The following BCLAF3 variants were observed in gnomAD, a reference collection of about 807,000 sequenced individuals.
BCLAF3 encodes transient octamer binding factor 1.
Under a neutral mutation model 51.2 loss-of-function variants are expected in BCLAF3, and 24 were observed. That is an observed-to-expected ratio of 0.47 (90% CI 0.34 to 0.66). The LOEUF (loss-of-function observed/expected upper bound fraction) is 0.66. Ranked by LOEUF, BCLAF3 falls within the 30% of genes least tolerant of loss-of-function variation. BCLAF3 has a pLI of 0.01. For missense variants in BCLAF3, 465 were observed against 525.1 expected (o/e 0.89, Z 1.12); for synonymous variants, 152 against 176.6 (o/e 0.86, Z 1.10).
At chrX:19,957,329 AAC>A (rs944060370) in intron 4 of BCLAF3, among the ~76,000 whole-genome samples, 3 of 112,199 alleles carry the variant, frequency 2.7e-5, no homozygotes, top group African/African-American at 9.7e-5. Context: ...GACCTCCACT[AAC>A]AAAGAATTAC....
At chrX:19,935,706 T>A (rs762406157) in intron 10 of BCLAF3, 103 bp downstream of exon 10, 62 of 635,832 alleles carry the variant, frequency 9.8e-5, no homozygotes, top group Non-Finnish European at 1.5e-4. Flanking sequence ...AGCTACCATT[T>A]GAAAGCATAT....
At chrX:19,922,792 T>C (rs1198051248) in intron 11 of BCLAF3, among the ~76,000 whole-genome samples, 1 of 109,937 alleles carries the variant, frequency 9.1e-6, no homozygotes, top group Admixed American at 9.8e-5. Context: ...ACCAGCTACT[T>C]GGGAGGCTGA....
At chrX:19,976,332 G>A (rs1285546032) in intron 1 of BCLAF3, among the ~76,000 whole-genome samples, 1 of 112,290 alleles carries the variant, frequency 8.9e-6, no homozygotes, top group Non-Finnish European at 1.9e-5. Flanking sequence ...ACACTCATGA[G>A]ATTTGCAAAA....
intron 7 of BCLAF3, among the ~76,000 whole-genome samples, chrX:19,951,594 G>A (rs770666786): frequency 1.1e-4 from 5 of 45,200 alleles, no homozygotes; most frequent in South Asian, 1.3e-3. Flanking sequence ...AGACTCTGTC[G>A]CAAAAAAAAA....
chrX:19,918,998 A>G (rs2070032974), intron 11 of BCLAF3, among the ~76,000 whole-genome samples: 1 of 111,177 alleles, frequency 9.0e-6, no homozygotes, highest in Non-Finnish European at 1.9e-5. Context: ...CTAACTACAT[A>G]GCCATCCTAA....
At chrX:19,919,760 GAC>G (rs2070068788) in intron 11 of BCLAF3, among the ~76,000 whole-genome samples, 1 of 103,986 alleles carries the variant, frequency 9.6e-6, no homozygotes, top group African/African-American at 3.6e-5. Context: ...AGGAGGCTAA[GAC>G]AGGAGAATCG....
At chrX:19,955,249 C>T in intron 5 of BCLAF3, 142 bp downstream of exon 5, 1 of 410,922 alleles carries the variant, frequency 2.4e-6, no homozygotes, top group Non-Finnish European at 3.8e-6. Flanking sequence ...CTGATACTCT[C>T]TTCAAAAGAT....
chrX:19,964,964 T>C (rs1210649600), intron 4 of BCLAF3, 80 bp downstream of exon 4: 3 of 883,982 alleles, frequency 3.4e-6, no homozygotes, highest in Non-Finnish European at 3.1e-6. Context: ...CTAAACACAC[T>C]ATTAATTCCA....
intron 2 of BCLAF3, among the ~76,000 whole-genome samples, chrX:19,968,122 G>A (rs919926964): frequency 8.9e-6 from 1 of 112,607 alleles, no homozygotes; most frequent in Non-Finnish European, 1.9e-5. Context: ...TTCAATATCG[G>A]TTTGATATGC....
chrX:19,952,058 C>T (rs1457353512), intron 7 of BCLAF3, among the ~76,000 whole-genome samples: 3 of 111,933 alleles, frequency 2.7e-5, no homozygotes, highest in Non-Finnish European at 5.6e-5. Flanking sequence ...ATAGTGACTA[C>T]GTTAAAATGC....
At chrX:19,984,309 A>G (rs1341481335) in intron 1 of BCLAF3, among the ~76,000 whole-genome samples, 1 of 110,676 alleles carries the variant, frequency 9.0e-6, no homozygotes, top group Non-Finnish European at 1.9e-5. Flanking sequence ...GAAACACACT[A>G]ATAATAGGAG....
intron 10 of BCLAF3, among the ~76,000 whole-genome samples, chrX:19,933,811 C>T (rs184922551): frequency 9.0e-6 from 1 of 111,290 alleles, no homozygotes; most frequent in African/African-American, 3.3e-5. Flanking sequence ...CACTGTGTCG[C>T]CCAGGCTTGA....
At chrX:19,990,086 C>T (rs935266567) in intron 1 of BCLAF3, among the ~76,000 whole-genome samples, 6 of 99,868 alleles carry the variant, frequency 6.0e-5, no homozygotes, top group African/African-American at 2.3e-4. Flanking sequence ...GGCTGCCTGG[C>T]GAGGAGCCTA....
intron 8 of BCLAF3, among the ~76,000 whole-genome samples, 181 bp downstream of exon 8, chrX:19,950,572 C>T (rs1259908766): frequency 1.8e-5 from 2 of 112,175 alleles, no homozygotes; most frequent in Admixed American, 9.5e-5. Flanking sequence ...TAAATCAAAC[C>T]GCATATGAGA....
chrX:19,932,482 G>A (rs185359781), intron 10 of BCLAF3, among the ~76,000 whole-genome samples: 97 of 108,483 alleles, frequency 8.9e-4, no homozygotes, highest in African/African-American at 3.1e-3. Flanking sequence ...AGAAAGTTAG[G>A]ATCTGAATAA....
intron 10 of BCLAF3, among the ~76,000 whole-genome samples, chrX:19,933,039 G>C (rs1179071133): frequency 8.9e-6 from 1 of 111,924 alleles, no homozygotes; most frequent in Non-Finnish European, 1.9e-5. Flanking sequence ...AGCAACTAAA[G>C]CAATGCCAGG....
intron 1 of BCLAF3, among the ~76,000 whole-genome samples, chrX:19,970,775 T>C (rs2072230489): frequency 1.8e-5 from 2 of 111,751 alleles, no homozygotes; most frequent in African/African-American, 6.5e-5. Context: ...AAAATAAAAG[T>C]ACAAAAACTA....
chrX:19,970,414 A>C, intron 1 of BCLAF3, 116 bp from the exon 2 acceptor site: 1 of 548,500 alleles, frequency 1.8e-6, no homozygotes, highest in Admixed American at 2.9e-5. Context: ...CTCATCTCTA[A>C]CATGGAAATG....
rs762326640 is a variant in BCLAF3 at position 19,966,622 on chromosome X, A to G, written c.69T>C (p.Ala23=). 1 of 1,207,980 alleles carries G rather than the reference A, an allele frequency of 8.3e-7. No homozygotes were observed. The highest frequency in any genetic ancestry group is 1.8e-5 in the African/African-American group (1 of 56,873). The change falls in exon 3 of 12, where the codon GCT becomes GCC. Residue 23 remains alanine (A), a synonymous_variant. Coordinates refer to ENST00000379682, the MANE Select transcript of BCLAF3 (RefSeq NM_001367774.2). ...HRSLSPVPRN[A]EHYKQRHSHG... Reference sequence around the variant, plus strand: ...GTGAATGTCTTTGCTTGTAGTGTTCAGCATTTCTAGGTACTGGTGATAAAG... The same window carrying G: ...GTGAATGTCTTTGCTTGTAGTGTTCGGCATTTCTAGGTACTGGTGATAAAG...
Sources: allele counts gnomAD v4.1 joint callset (sites outside exome capture counted in the v4.1 genomes callset), GRCh38; gene constraint gnomAD v4.1.1; transcripts MANE v1.5; gene names NCBI Gene and HGNC (gene_info 2026-07-23, HGNC 2026-07-21).